The following OR4K15 variants were observed in gnomAD, a reference collection of about 807,000 sequenced individuals.
The protein encoded by OR4K15 is olfactory receptor family 4 subfamily K member 15.
For missense variants in OR4K15, 392 were observed against 390.2 expected (o/e 1.00, Z -0.04); for synonymous variants, 144 against 145.6 (o/e 0.99, Z 0.08).
In OR4K15 at chr14:19,976,102, C is replaced by T. The variant is rs776147404; in HGVS notation, c.512C>T (p.Pro171Leu). 5.0e-6 allele frequency: 8 copies of T among 1,613,730 alleles called. No individual in the cohort carries two copies. Among genetic ancestry groups the T allele is most frequent in the Admixed American group, 1.7e-5 (1 of 59,962 alleles). ...ACTGTTAATCTGCCATTTTGTGGTCCTAATAAGGTAGACAGTTTTTTCTGT... is the reference window on the plus strand; with the variant it reads ...ACTGTTAATCTGCCATTTTGTGGTCTTAATAAGGTAGACAGTTTTTTCTGT... ...AFTVNLPFCG[P>L]NKVDSFFCDL... is the part of the protein sequence containing the mutation. Residue 171 changes from proline (P) to leucine (L), a missense_variant, in exon 1 of 1, where the codon CCT becomes CTT. Coordinates refer to ENST00000305051, the MANE Select transcript of OR4K15 (RefSeq NM_001005486.2).
rs762483551 is a variant in OR4K15, at chr14:19,976,130, C to A, written c.540C>A (p.Asp180Glu). 1 of 1,613,824 alleles carries A rather than the reference C, an allele frequency of 6.2e-7. No homozygotes were observed. Among genetic ancestry groups the A allele is most frequent in the South Asian group, 1.1e-5 (1 of 91,082 alleles). ...ATAAGGTAGACAGTTTTTTCTGTGA[C>A]CTTCCTCTAGTGACCAAGTTAGCCT... ...GPNKVDSFFC[D>E]LPLVTKLACI... The change falls in exon 1 of 1, where the codon GAC becomes GAA. Residue 180 changes from aspartate (D) to glutamate (E), a missense_variant. By Grantham distance (45) the Asp-to-Glu change is conservative. Transcript: ENST00000305051.
rs1312206095 is a variant in OR4K15, at chr14:19,975,922, A to G, written c.332A>G (p.Glu111Gly). The change falls in exon 1 of 1, where the codon GAA becomes GGA. Residue 111 changes from glutamate to glycine, a missense_variant. Coordinates refer to ENST00000305051, the MANE Select transcript of OR4K15 (RefSeq NM_001005486.2). Reference sequence around the variant, plus strand: ...TTTGTTCATCTCTTCACTGGCAGTGAAATGGTGCTCCTAGTTTCCATGGCC... The same window carrying G: ...TTTGTTCATCTCTTCACTGGCAGTGGAATGGTGCTCCTAGTTTCCATGGCC... Reference protein sequence around the residue: ...IFFVHLFTGSEMVLLVSMAYD... With the variant: ...IFFVHLFTGSGMVLLVSMAYD... 7 of 1,613,638 alleles carry G rather than the reference A, an allele frequency of 4.3e-6. No homozygotes were observed. The African/African-American group carries it at 9.4e-5, about 22-fold the overall frequency.
chr14:19,976,102 CT>C lies in OR4K15; in HGVS notation c.513del (p.Asn172IlefsTer3). 3.7e-6 allele frequency: 6 copies of C among 1,613,848 alleles called. No homozygotes were observed. The highest frequency in any genetic ancestry group is 5.1e-6 in the Non-Finnish European group (6 of 1,179,840). On this transcript the variant is annotated frameshift_variant, in exon 1 of 1. Transcript: ENST00000305051. LOFTEE classifies it low-confidence loss of function (END_TRUNC). Reference sequence around the variant, plus strand: ...ACTGTTAATCTGCCATTTTGTGGTCCTAATAAGGTAGACAGTTTTTTCTGTG... The same window carrying C: ...ACTGTTAATCTGCCATTTTGTGGTCCAATAAGGTAGACAGTTTTTTCTGTG... ...AFTVNLPFCG[P>X]NKVDSFFCDL... is the part of the protein sequence containing the mutation.
Position 19,975,775 on chromosome 14 carries a change from T to A in OR4K15, c.185T>A (p.Leu62Gln). ...CGCCTTCACACCCCCATGTACTTTC[T>A]GCTTGCAAACCTGTCATTTATAGAC... is the stretch of plus-strand genomic sequence containing the variant. ...DSRLHTPMYF[L>Q]LANLSFIDVC... The change falls in exon 1 of 1, where the codon CTG becomes CAG. Residue 62 changes from leucine (L) to glutamine (Q), a missense_variant. Leu to Gln is a moderately radical substitution (Grantham distance 113). Transcript: ENST00000305051. 1 of 1,613,520 alleles carries A rather than the reference T, an allele frequency of 6.2e-7. No homozygotes were observed. Among genetic ancestry groups the A allele is most frequent in the Non-Finnish European group, 8.5e-7 (1 of 1,179,664 alleles).
chr14:19,975,980 C>CCA lies in OR4K15; in HGVS notation c.392_393dup (p.Tyr132ThrfsTer3). On this transcript the variant is annotated frameshift_variant, in exon 1 of 1. Transcript: ENST00000305051. LOFTEE classifies it low-confidence loss of function (END_TRUNC). ...GTTATGTTGCTATATGCAAACCTCT[C>CCA]CACTACATGACAGTCATGAGCCGTC... The CCA allele has an allele frequency of 6.2e-7, 1 of 1,613,790 alleles. No homozygotes were observed. The highest frequency in any genetic ancestry group is 1.7e-4 in the Middle Eastern group (1 of 6,060).
chr14:19,976,105 ATAAGG>A lies in OR4K15; in HGVS notation c.518_522del (p.Lys173ArgfsTer6). 6.2e-7 allele frequency: 1 copy of A among 1,613,898 alleles called. No homozygotes were observed. The highest frequency in any genetic ancestry group is 8.5e-7 in the Non-Finnish European group (1 of 1,179,856). On this transcript the variant is annotated frameshift_variant, in exon 1 of 1. Transcript: ENST00000305051. LOFTEE classifies it low-confidence loss of function (END_TRUNC). ...GTTAATCTGCCATTTTGTGGTCCTA[ATAAGG>A]TAGACAGTTTTTTCTGTGACCTTCC...
chr14:19,976,169 T>G lies in OR4K15; in HGVS notation c.579T>G (p.Tyr193Ter). Residue 193 changes from tyrosine to a stop codon, truncating the protein, a stop_gained, in exon 1 of 1, where the codon TAT (tyrosine) becomes TAG (stop). Coordinates refer to ENST00000305051, the MANE Select transcript of OR4K15 (RefSeq NM_001005486.2). LOFTEE classifies it low-confidence loss of function (END_TRUNC). The stretch of plus-strand genomic sequence containing the variant: ...CCAAGTTAGCCTGCATAGACACTTA[T>G]GTTGTCAGCTTACTAATAGTTGCAG... The part of the protein sequence containing the change: ...LVTKLACIDT[Y>*]VVSLLIVADS... 6.2e-7 allele frequency: 1 copy of G among 1,613,818 alleles called. No homozygotes were observed. Among genetic ancestry groups the G allele is most frequent in the Non-Finnish European group, 8.5e-7 (1 of 1,179,762 alleles).
chr14:19,976,353 A>T lies in OR4K15; in HGVS notation c.763A>T (p.Ile255Phe), dbSNP rs1883031178. 1 of 1,613,724 alleles carries T rather than the reference A, an allele frequency of 6.2e-7. No homozygotes were observed. The highest frequency in any genetic ancestry group is 8.5e-7 in the Non-Finnish European group (1 of 1,179,794). The stretch of plus-strand genomic sequence containing the variant: ...GGTCACTTTATTCTTTGGACCATGC[A>T]TTTTCATCTATGTGTGGCCCTTCAG... Reference protein sequence around the residue: ...TVVTLFFGPCIFIYVWPFSSY... With the variant: ...TVVTLFFGPCFFIYVWPFSSY... Residue 255 changes from isoleucine (I) to phenylalanine (F), a missense_variant, in exon 1 of 1, where the codon ATT (isoleucine) becomes TTT (phenylalanine). Ile to Phe is a conservative substitution (Grantham distance 21). Transcript: ENST00000305051.
rs1883016949 is a variant in OR4K15, at chr14:19,975,868, C to G, written c.278C>G (p.Ser93Cys). 6.2e-7 allele frequency: 1 copy of G among 1,613,582 alleles called. No individual in the cohort carries two copies. Reference sequence around the variant, plus strand: ...TTTCTGGTTGAGCGCAAGACTATTTCTTTTGATGCCTGCCTGGCCCAGATT... The same window carrying G: ...TTTCTGGTTGAGCGCAAGACTATTTGTTTTGATGCCTGCCTGGCCCAGATT... Reference protein sequence around the residue: ...ADFLVERKTISFDACLAQIFF... With the variant: ...ADFLVERKTICFDACLAQIFF... The change falls in exon 1 of 1, where the codon TCT (serine) becomes TGT (cysteine). Residue 93 changes from serine (S) to cysteine (C), a missense_variant. Transcript: ENST00000305051.
Position 19,976,050 on chromosome 14 carries a change from A to C in OR4K15, c.460A>C (p.Ile154Leu), listed in dbSNP as rs781214170. 5 of 1,613,796 alleles carry C rather than the reference A, an allele frequency of 3.1e-6. No homozygotes were observed. Among genetic ancestry groups the C allele is most frequent in the Middle Eastern group, 3.3e-4 (2 of 6,056 alleles). Residue 154 changes from isoleucine (I) to leucine (L), a missense_variant, in exon 1 of 1, where the codon ATC (isoleucine) becomes CTC (leucine). Ile to Leu is a conservative substitution (Grantham distance 5). Transcript: ENST00000305051. ...LVLISWFVGFIHTTSQLAFTV... is the reference protein window; with the variant it reads ...LVLISWFVGFLHTTSQLAFTV... ...CCTCATTTCATGGTTTGTGGGCTTC[A>C]TCCATACTACCAGCCAGTTGGCATT...
In OR4K15 at chr14:19,975,882, C is replaced by G. The variant is rs768693408; in HGVS notation, c.292C>G (p.Leu98Val). The stretch of plus-strand genomic sequence containing the variant: ...CAAGACTATTTCTTTTGATGCCTGC[C>G]TGGCCCAGATTTTCTTTGTTCATCT... ...ERKTISFDAC[L>V]AQIFFVHLFT... The change falls in exon 1 of 1, where the codon CTG (leucine) becomes GTG (valine). Residue 98 changes from leucine to valine, a missense_variant. Coordinates refer to ENST00000305051, the MANE Select transcript of OR4K15 (RefSeq NM_001005486.2). 1.7e-5 allele frequency: 28 copies of G among 1,613,654 alleles called. No individual in the cohort carries two copies. In the South Asian group the frequency reaches 3.1e-4, roughly 18 times the overall value.
rs199834157 is a variant in OR4K15 at position 19,976,462 on chromosome 14, A to G, written c.872A>G (p.Asn291Ser). ...AACCCTGTAATCTACACGCTAAGAA[A>G]CAAAGAAGTGAAGGCAGCTATGTCA... ...ILNPVIYTLRNKEVKAAMSKL... is the reference protein window; with the variant it reads ...ILNPVIYTLRSKEVKAAMSKL... Residue 291 changes from asparagine (N) to serine (S), a missense_variant, in exon 1 of 1, where the codon AAC becomes AGC. Transcript: ENST00000305051. 3.5e-5 allele frequency: 56 copies of G among 1,613,566 alleles called. No homozygotes were observed. Among genetic ancestry groups the G allele is most frequent in the Middle Eastern group, 3.3e-4 (2 of 6,082 alleles).
rs774065100 is a variant in OR4K15, at chr14:19,975,800, C to T, written c.210C>T (p.Asp70=). The T allele has an allele frequency of 1.6e-5, 26 of 1,613,278 alleles. No individual in the cohort carries two copies. The highest frequency in any genetic ancestry group is 1.6e-4 in the Middle Eastern group (1 of 6,078). ...YFLLANLSFI[D]VCVASFATPK... ...TGCTTGCAAACCTGTCATTTATAGACGTATGTGTTGCCTCTTTTGCTACCC... is the reference window on the plus strand; with the variant it reads ...TGCTTGCAAACCTGTCATTTATAGATGTATGTGTTGCCTCTTTTGCTACCC... Residue 70 remains aspartate, a synonymous_variant, in exon 1 of 1, where the codon GAC becomes GAT. Coordinates refer to ENST00000305051, the MANE Select transcript of OR4K15 (RefSeq NM_001005486.2).
At position 19,976,113 on chromosome 14, in the gene OR4K15, G is replaced by A. The variant is rs912670863; in HGVS notation, c.523G>A (p.Asp175Asn). 5 of 1,613,738 alleles carry A rather than the reference G, an allele frequency of 3.1e-6. No individual in the cohort carries two copies. The highest frequency in any genetic ancestry group is 4.2e-6 in the Non-Finnish European group (5 of 1,179,842). ...GCCATTTTGTGGTCCTAATAAGGTA[G>A]ACAGTTTTTTCTGTGACCTTCCTCT... ...NLPFCGPNKV[D>N]SFFCDLPLVT... The change falls in exon 1 of 1, where the codon GAC becomes AAC. Residue 175 changes from aspartate to asparagine, a missense_variant. Physicochemically the swap from Asp to Asn is conservative, Grantham distance 23. Transcript: ENST00000305051.
Position 19,975,952 on chromosome 14 carries a change from AC to A in OR4K15, c.364del (p.Arg122ValfsTer12). 2 of 1,613,514 alleles carry A rather than the reference AC, an allele frequency of 1.2e-6. No homozygotes were observed. The highest frequency in any genetic ancestry group is 1.7e-6 in the Non-Finnish European group (2 of 1,179,804). ...EMVLLVSMAY[D>X]RYVAICKPLH... is the part of the protein sequence containing the mutation. ...GTGCTCCTAGTTTCCATGGCCTATG[AC>A]CGTTATGTTGCTATATGCAAACCTC... is the stretch of plus-strand genomic sequence containing the variant. On this transcript the variant is annotated frameshift_variant, in exon 1 of 1. Coordinates refer to ENST00000305051, the MANE Select transcript of OR4K15 (RefSeq NM_001005486.2). LOFTEE classifies it low-confidence loss of function (END_TRUNC).
At position 19,976,355 on chromosome 14, in the gene OR4K15, T is replaced by G; in HGVS notation, c.765T>G (p.Ile255Met). Residue 255 changes from isoleucine (I) to methionine (M), a missense_variant, in exon 1 of 1, where the codon ATT becomes ATG. Transcript: ENST00000305051. ...TVVTLFFGPC[I>M]FIYVWPFSSY... ...TCACTTTATTCTTTGGACCATGCAT[T>G]TTCATCTATGTGTGGCCCTTCAGCA... The G allele has an allele frequency of 6.2e-7, 1 of 1,613,870 alleles. No individual in the cohort carries two copies. The highest frequency in any genetic ancestry group is 8.5e-7 in the Non-Finnish European group (1 of 1,179,810).
chr14:19,976,279 C>G lies in OR4K15; in HGVS notation c.689C>G (p.Ser230Cys), dbSNP rs1426645723. ...VILVTVRNRS[S>C]ASMAKARSTL... ...CTTGTTACAGTTAGGAATCGCTCCT[C>G]TGCAAGCATGGCGAAGGCCCGCTCC... Residue 230 changes from serine (S) to cysteine (C), a missense_variant, in exon 1 of 1, where the codon TCT becomes TGT. By Grantham distance (112) the Ser-to-Cys change is moderately radical. Transcript: ENST00000305051. 6.2e-7 allele frequency: 1 copy of G among 1,613,748 alleles called. No homozygotes were observed. Among genetic ancestry groups the G allele is most frequent in the Non-Finnish European group, 8.5e-7 (1 of 1,179,726 alleles).
At position 19,975,733 on chromosome 14, in the gene OR4K15, C is replaced by G; in HGVS notation, c.143C>G (p.Thr48Ser). Residue 48 changes from threonine to serine, a missense_variant, in exon 1 of 1, where the codon ACT (threonine) becomes AGT (serine). Transcript: ENST00000305051. Reference protein sequence around the residue: ...ILLGNFLIILTVTSDSRLHTP... With the variant: ...ILLGNFLIILSVTSDSRLHTP... ...TTGGGCAACTTTCTCATCATCCTCACTGTGACCTCAGATTCCCGCCTTCAC... is the reference window on the plus strand; with the variant it reads ...TTGGGCAACTTTCTCATCATCCTCAGTGTGACCTCAGATTCCCGCCTTCAC... The G allele has an allele frequency of 6.2e-7, 1 of 1,613,458 alleles. No individual in the cohort carries two copies. Among genetic ancestry groups the G allele is most frequent in the Non-Finnish European group, 8.5e-7 (1 of 1,179,614 alleles).
In OR4K15 at chr14:19,975,867, T is replaced by G. The variant is rs3861513; in HGVS notation, c.277T>G (p.Ser93Ala). 0.25 allele frequency: 406,496 copies of G among 1,613,228 alleles called. 52,940 individuals are homozygous for G. The highest frequency in any genetic ancestry group is 0.32 in the South Asian group (29,434 of 91,062). Residue 93 changes from serine (S) to alanine (A), a missense_variant, in exon 1 of 1, where the codon TCT becomes GCT. Coordinates refer to ENST00000305051, the MANE Select transcript of OR4K15 (RefSeq NM_001005486.2). ...ADFLVERKTI[S>A]FDACLAQIFF... is the part of the protein sequence containing the mutation. The stretch of plus-strand genomic sequence containing the variant: ...CTTTCTGGTTGAGCGCAAGACTATT[T>G]CTTTTGATGCCTGCCTGGCCCAGAT...
Sources: gnomAD v4.1 joint callset for allele counts on GRCh38, gnomAD v4.1.1 for gene constraint, MANE v1.5 for transcripts, NCBI Gene and HGNC (gene_info 2026-07-23, HGNC 2026-07-21) for gene names.